The following TRAPPC9 variants were observed in gnomAD, a reference collection of about 807,000 sequenced individuals.
The protein encoded by TRAPPC9 is trafficking protein particle complex subunit 9.
Under a neutral mutation model 124.0 loss-of-function variants are expected in TRAPPC9, and 83 were observed. The observed-to-expected ratio is 0.67, with a 90% CI of 0.56 to 0.80. The LOEUF (loss-of-function observed/expected upper bound fraction) is 0.80, where lower values mean the gene tolerates loss of function less well. TRAPPC9 is among the 30% of genes least tolerant of loss of function. The pLI is 0.00. For synonymous variants in TRAPPC9, 638 were observed against 617.5 expected (o/e 1.03, Z -0.49); for missense variants, 1,302 against 1,508.3 (o/e 0.86, Z 2.27).
chr8:140,093,529 A>G (rs1844710511), intron 17 of TRAPPC9, among the ~76,000 whole-genome samples: 1 of 152,174 alleles, frequency 6.6e-6, no homozygotes, highest in Non-Finnish European at 1.5e-5. Flanking sequence ...TTAGCCAGGC[A>G]TGATGGCGTG....
intron 17 of TRAPPC9, among the ~76,000 whole-genome samples, chr8:140,175,658 C>G (rs969033339): frequency 2.6e-5 from 4 of 152,202 alleles, no homozygotes; most frequent in African/African-American, 9.7e-5. Context: ...AATCTGACGA[C>G]ATCCACGGGT....
intron 21 of TRAPPC9, among the ~76,000 whole-genome samples, chr8:139,756,064 G>A (rs1226972531): frequency 2.1e-5 from 2 of 93,846 alleles, no homozygotes; most frequent in African/African-American, 5.0e-5. Flanking sequence ...ACAGCAGGTC[G>A]CAGGAGGAGC....
intron 10 of TRAPPC9, 29 bp from the exon 11 acceptor site, chr8:140,300,643 T>TC: frequency 6.2e-7 from 1 of 1,614,016 alleles, no homozygotes; most frequent in Non-Finnish European, 8.5e-7. Flanking sequence ...CACAAATACT[T>TC]CAACTGTCTG....
chr8:139,827,098 T>C (rs1384420930), intron 21 of TRAPPC9, among the ~76,000 whole-genome samples: 1 of 152,126 alleles, frequency 6.6e-6, no homozygotes, highest in Non-Finnish European at 1.5e-5. Context: ...CTCTCACACC[T>C]GTTTGCCCAT....
intron 17 of TRAPPC9, among the ~76,000 whole-genome samples, chr8:140,121,019 CTGAGAAT>C (rs2060977654): frequency 1.3e-5 from 2 of 152,226 alleles, no homozygotes; most frequent in Non-Finnish European, 2.9e-5. Context: ...GTGGAAGTTT[CTGAGAAT>C]ACAGAGGTGA....
At chr8:140,053,319 A>C (rs995814529) in intron 17 of TRAPPC9, among the ~76,000 whole-genome samples, 2 of 152,228 alleles carry the variant, frequency 1.3e-5, no homozygotes, top group Non-Finnish European at 2.9e-5. Flanking sequence ...AGGCTGACCC[A>C]ATTGTTGTCC....
chr8:139,921,159 G>A (rs1030630364), intron 19 of TRAPPC9, among the ~76,000 whole-genome samples: 2 of 152,230 alleles, frequency 1.3e-5, no homozygotes, highest in African/African-American at 4.8e-5. Context: ...CCACTCGGCT[G>A]TAGTCTCCTG....
intron 20 of TRAPPC9, among the ~76,000 whole-genome samples, chr8:139,896,877 G>C (rs1167794279): frequency 6.6e-6 from 1 of 152,194 alleles, no homozygotes. Flanking sequence ...GCTCTTCCTA[G>C]GCACTTGGGG....
At chr8:139,809,426 G>T (rs1372332984) in intron 21 of TRAPPC9, among the ~76,000 whole-genome samples, 1 of 152,212 alleles carries the variant, frequency 6.6e-6, no homozygotes, top group Non-Finnish European at 1.5e-5. Context: ...AGAGCCACCG[G>T]GCAACTTCCT....
At chr8:139,851,396 C>T (rs754726819) in intron 21 of TRAPPC9, among the ~76,000 whole-genome samples, 1 of 152,200 alleles carries the variant, frequency 6.6e-6, no homozygotes, top group African/African-American at 2.4e-5. Flanking sequence ...ACAGATGTCA[C>T]CAACTGCTCC....
chr8:139,952,479 A>G (rs1834701025), intron 19 of TRAPPC9, among the ~76,000 whole-genome samples: 1 of 152,228 alleles, frequency 6.6e-6, no homozygotes. Context: ...TGCACCAAAC[A>G]GGACCTGAAA....
At chr8:139,843,317 C>T (rs1313878254) in intron 21 of TRAPPC9, among the ~76,000 whole-genome samples, 1 of 152,156 alleles carries the variant, frequency 6.6e-6, no homozygotes, top group Non-Finnish European at 1.5e-5. Context: ...GACTCGGCCC[C>T]GGGGCTGGTC....
chr8:139,836,645 G>A (rs1826376173), intron 21 of TRAPPC9, among the ~76,000 whole-genome samples: 1 of 152,314 alleles, frequency 6.6e-6, no homozygotes, highest in South Asian at 2.1e-4. Flanking sequence ...AAGAGAGATG[G>A]GCGTGGCTTC....
At chr8:140,032,607 T>C (rs1192865698) in intron 17 of TRAPPC9, among the ~76,000 whole-genome samples, 1 of 152,256 alleles carries the variant, frequency 6.6e-6, no homozygotes, top group Non-Finnish European at 1.5e-5. Context: ...ATGGTACAGA[T>C]ATGCTACAGC....
At chr8:140,080,156 A>T (rs1476265793) in intron 17 of TRAPPC9, among the ~76,000 whole-genome samples, 1 of 152,190 alleles carries the variant, frequency 6.6e-6, no homozygotes, top group Non-Finnish European at 1.5e-5. Flanking sequence ...AAGGTCATAG[A>T]AGGCACATAC....
At chr8:139,901,155 G>A (rs1830996254) in intron 20 of TRAPPC9, among the ~76,000 whole-genome samples, 2 of 152,184 alleles carry the variant, frequency 1.3e-5, no homozygotes, top group East Asian at 1.9e-4. Context: ...GCATCATGAA[G>A]TGGGTGCTCT....
At chr8:139,869,631 T>C (rs1400564960) in intron 21 of TRAPPC9, among the ~76,000 whole-genome samples, 1 of 152,192 alleles carries the variant, frequency 6.6e-6, no homozygotes, top group Non-Finnish European at 1.5e-5. Context: ...ACAAGGAACA[T>C]AACTTGTTTA....
chr8:140,147,079 T>C (rs2061474641), intron 17 of TRAPPC9, among the ~76,000 whole-genome samples: 1 of 152,342 alleles, frequency 6.6e-6, no homozygotes, highest in African/African-American at 2.4e-5. Flanking sequence ...CTTTCTACAT[T>C]ATTGCCTCCT....
At chr8:139,836,530 T>A (rs771001833) in intron 21 of TRAPPC9, among the ~76,000 whole-genome samples, 2 of 152,212 alleles carry the variant, frequency 1.3e-5, no homozygotes, top group Non-Finnish European at 2.9e-5. Context: ...CAGGCCTGCA[T>A]GAAGCCCAAC....
Sources: gnomAD v4.1 joint callset for allele counts (sites outside exome capture counted in the v4.1 genomes callset) on GRCh38, gnomAD v4.1.1 for gene constraint, MANE v1.5 for transcripts, NCBI Gene and HGNC (gene_info 2026-07-23, HGNC 2026-07-21) for gene names.